Variants in NPR3 observed in about 807,000 individuals in gnomAD.
NPR3 encodes the protein natriuretic peptide receptor 3.
NPR3 carries 34 observed loss-of-function variants against 54.5 expected under a neutral mutation model. The ratio of observed to expected loss-of-function variants is 0.62; its 90% confidence interval spans 0.47 to 0.83. The LOEUF is 0.83. Among genes scored for constraint, NPR3 ranks in the 40% least tolerant of loss-of-function variants. The pLI is 0.00. For missense variants in NPR3, 674 were observed against 720.8 expected, an observed-to-expected ratio of 0.94 and a Z score of 0.74; for synonymous variants, 289 against 297.1, an observed-to-expected ratio of 0.97 and a Z score of 0.28.
intron 1 of NPR3, among the ~76,000 whole-genome samples, chr5:32,691,559 A>G (rs1447037030): frequency 6.6e-6 from 1 of 152,242 alleles, no homozygotes; most frequent in Non-Finnish European, 1.5e-5. Context: ...GGGAATGAAG[A>G]CACACCTGAA....
At chr5:32,754,697 G>C (rs940017142) in intron 3 of NPR3, among the ~76,000 whole-genome samples, 1 of 151,996 alleles carries the variant, frequency 6.6e-6, no homozygotes, top group South Asian at 2.1e-4. Flanking sequence ...TGTGGGGAGG[G>C]GGGTGCAGAG....
intron 1 of NPR3, among the ~76,000 whole-genome samples, chr5:32,694,762 C>T (rs756191208): frequency 6.6e-6 from 1 of 152,128 alleles, no homozygotes; most frequent in Non-Finnish European, 1.5e-5. Context: ...TTGACTGTAG[C>T]CACCCTGTGG....
At chr5:32,728,831 G>GTATA (rs1378102562) in intron 2 of NPR3, among the ~76,000 whole-genome samples, 649 of 63,560 alleles carry the variant, frequency 0.01, 10 homozygotes, top group Middle Eastern at 0.023. Flanking sequence ...GTGTGTGTGT[G>GTATA]TGTGTGTATA....
chr5:32,713,703 G>A (rs1046608172), intron 1 of NPR3, among the ~76,000 whole-genome samples: 2 of 152,244 alleles, frequency 1.3e-5, no homozygotes, highest in African/African-American at 4.8e-5. Flanking sequence ...GGCGCTGGTC[G>A]TAGGGGACAG....
chr5:32,776,223 A>G (rs1742039492), intron 4 of NPR3, among the ~76,000 whole-genome samples: 1 of 152,238 alleles, frequency 6.6e-6, no homozygotes, highest in Non-Finnish European at 1.5e-5. Context: ...AGAATTTTCC[A>G]TATGAGAACT....
intron 2 of NPR3, among the ~76,000 whole-genome samples, chr5:32,729,062 C>T (rs1190902088): frequency 8.8e-6 from 1 of 113,184 alleles, no homozygotes; most frequent in African/African-American, 3.6e-5. Context: ...CGGAGTCTCG[C>T]TCTGTCGCCC....
intron 3 of NPR3, among the ~76,000 whole-genome samples, chr5:32,772,747 G>T (rs183792466): frequency 1.4e-4 from 21 of 152,278 alleles, no homozygotes; most frequent in African/African-American, 4.8e-4. Flanking sequence ...TGCTGATTCT[G>T]CCAGACACTA....
rs1024802849 is a variant in NPR3 at position 32,711,566 on chromosome 5, C to CTTTTTCT, written c.-206_-205insCTTTTTT. The stretch of plus-strand genomic sequence containing the variant: ...CGGTGAACTTTTTCTTTTTCTTTTT[C>CTTTTTCT]TTTTTTTTTTAAGAAAAACTAGTGA... On this transcript the variant is annotated 5_prime_UTR_variant, in exon 1 of 8. Coordinates refer to ENST00000265074, the MANE Select transcript of NPR3 (RefSeq NM_001204375.2). 4,870 of 1,084,478 alleles carry CTTTTTCT rather than the reference C, an allele frequency of 4.5e-3. 57 individuals carry two copies. The African/African-American group carries it at 0.051, about 11-fold the overall frequency. 67.2% of individuals were successfully genotyped at this position (1,084,478 alleles called of 1,614,324 possible).
chr5:32,786,086 T>C lies in NPR3; in HGVS notation c.1515-148T>C, dbSNP rs990517544. ...AAGGGCACCATGCCTGGGGGCACAC[T>C]ACTTTAATCTCTGACCAGGGTTTCA... On this transcript the variant is annotated intron_variant, in intron 7 of 7. Coordinates refer to ENST00000265074, the MANE Select transcript of NPR3 (RefSeq NM_001204375.2). 4 of 568,560 alleles carry C rather than the reference T, an allele frequency of 7.0e-6. No homozygotes were observed. In the African/African-American group the frequency reaches 7.9e-5, roughly 11 times the overall value. The allele number at this position is 568,560 out of a possible 1,614,324, so 35.2% of individuals were successfully genotyped here.
intron 4 of NPR3, 88 bp downstream of exon 4, chr5:32,774,931 C>A: frequency 1.9e-6 from 2 of 1,043,404 alleles, no homozygotes; most frequent in South Asian, 1.3e-5. Flanking sequence ...AGCTGTGGGG[C>A]CTTTCCAGCG....
chr5:32,739,077 T>C, intron 3 of NPR3, 47 bp downstream of exon 3: 1 of 1,576,186 alleles, frequency 6.3e-7, no homozygotes. Flanking sequence ...CTGAAAACTG[T>C]CTTCTAATTA....
chr5:32,728,827 GTGTGTGTGTGTATATATATA>G lies in NPR3; in HGVS notation c.892+4009_892+4028del, dbSNP rs1302058624. 2.6e-4 allele frequency among the ~76,000 whole-genome samples: 21 copies of G among 81,148 alleles called. 1 individual carries two copies. The highest frequency in any genetic ancestry group is 5.7e-3 in the Middle Eastern group (1 of 176). 53.2% of individuals were successfully genotyped at this position (81,148 alleles called of 152,430 possible). On this transcript the variant is annotated intron_variant, in intron 2 of 7. Transcript: ENST00000265074. ...GATTTTGGAATATTTGTGTGTGTGTGTGTGTGTGTGTATATATATATATATATATATATATATATATATAT... is the reference window on the plus strand; with the variant it reads ...GATTTTGGAATATTTGTGTGTGTGTGTATATATATATATATATATATATAT...
At chr5:32,734,405 G>A (rs16890187) in intron 2 of NPR3, among the ~76,000 whole-genome samples, 20,458 of 152,142 alleles carry the variant, frequency 0.13, 1,450 homozygotes, top group East Asian at 0.23. Flanking sequence ...ACTACAGGAT[G>A]GCACAGTTAC....
intron 1 of NPR3, among the ~76,000 whole-genome samples, chr5:32,692,865 A>C (rs1740428053): frequency 6.6e-6 from 1 of 152,222 alleles, no homozygotes; most frequent in Admixed American, 6.5e-5. Flanking sequence ...TCACGCCGGT[A>C]ATCCTAGCAC....
chr5:32,774,806 G>A lies in NPR3; in HGVS notation c.1158G>A (p.Gly386=), dbSNP rs943903938. 1.2e-6 allele frequency: 2 copies of A among 1,610,984 alleles called. No individual in the cohort carries two copies. Among genetic ancestry groups the A allele is most frequent in the African/African-American group, 2.7e-5 (2 of 74,866 alleles). Residue 386 remains glycine (G), a synonymous_variant, in exon 4 of 8, where the codon GGG becomes GGA. Coordinates refer to ENST00000265074, the MANE Select transcript of NPR3 (RefSeq NM_001204375.2). ...CTGGTTACAGCAAAAAGGATGGAGG[G>A]AAAATTATACAGCAGACTTGGAACA... ...LRAGYSKKDG[G]KIIQQTWNRT...
chr5:32,715,374 A>T (rs1561078481), intron 1 of NPR3, among the ~76,000 whole-genome samples: 2 of 152,152 alleles, frequency 1.3e-5, no homozygotes, highest in Non-Finnish European at 2.9e-5. Context: ...GTTTCTCTTT[A>T]AAACCAAATC....
chr5:32,721,742 T>C (rs1579603669), intron 1 of NPR3, among the ~76,000 whole-genome samples: 1 of 152,200 alleles, frequency 6.6e-6, no homozygotes, highest in East Asian at 1.9e-4. Context: ...TCTTAGTTTG[T>C]TTTCTGTTGC....
intron 3 of NPR3, among the ~76,000 whole-genome samples, chr5:32,752,204 C>T (rs1219886520): frequency 6.7e-6 from 1 of 148,438 alleles, no homozygotes; most frequent in African/African-American, 2.5e-5. Context: ...GACTCCTCCA[C>T]CTCCAAAAAC....
At chr5:32,713,945 G>C (rs573111420) in intron 1 of NPR3, among the ~76,000 whole-genome samples, 2 of 152,316 alleles carry the variant, frequency 1.3e-5, no homozygotes, top group African/African-American at 4.8e-5. Flanking sequence ...AGGCTTTGCC[G>C]ATTATGAAAA....
Sources: allele counts gnomAD v4.1 joint callset (sites outside exome capture counted in the v4.1 genomes callset), GRCh38; gene constraint gnomAD v4.1.1; transcripts MANE v1.5; gene names NCBI Gene and HGNC (gene_info 2026-07-23, HGNC 2026-07-21).